PIK3C2G: variants seen among roughly 807,000 people sequenced by gnomAD.
The protein encoded by PIK3C2G is phosphatidylinositol 3-kinase C2 domain-containing subunit gamma.
In PIK3C2G, 168 loss-of-function variants were observed where a neutral mutation model predicts 181.1. The observed-to-expected ratio is 0.93, with a 90% CI of 0.82 to 1.05. The LOEUF (loss-of-function observed/expected upper bound fraction) is 1.05. Ranked by LOEUF, PIK3C2G falls within the 50% of genes least tolerant of loss-of-function variation. The pLI is 0.00. For missense variants in PIK3C2G, 1,869 were observed against 1,732.8 expected (o/e 1.08, Z -1.40); for synonymous variants, 573 against 592.2 (o/e 0.97, Z 0.47).
chr12:18,340,516 A>G (rs1480944546), intron 9 of PIK3C2G, among the ~76,000 whole-genome samples: 2 of 152,128 alleles, frequency 1.3e-5, no homozygotes, highest in Non-Finnish European at 2.9e-5. Context: ...CTAATTGGTG[A>G]TGTTAAGTCA....
At chr12:18,397,244 G>C (rs972440853) in intron 15 of PIK3C2G, among the ~76,000 whole-genome samples, 2 of 151,892 alleles carry the variant, frequency 1.3e-5, no homozygotes, top group Non-Finnish European at 2.9e-5. Flanking sequence ...TCAATGTTAA[G>C]ATAGGCAATG....
chr12:18,506,356 A>T (rs1228977196), intron 24 of PIK3C2G, among the ~76,000 whole-genome samples: 3 of 152,132 alleles, frequency 2.0e-5, no homozygotes, highest in Non-Finnish European at 2.9e-5. Flanking sequence ...TTATTTTTTA[A>T]GTTCAGGAGA....
intron 1 of PIK3C2G, among the ~76,000 whole-genome samples, chr12:18,270,630 T>C (rs1360436443): frequency 6.6e-6 from 1 of 152,186 alleles, no homozygotes; most frequent in Admixed American, 6.5e-5. Flanking sequence ...ATAGTTTTAC[T>C]CTAATTCTAG....
At chr12:18,604,058 T>A (rs988612392) in intron 30 of PIK3C2G, among the ~76,000 whole-genome samples, 1 of 152,088 alleles carries the variant, frequency 6.6e-6, no homozygotes, top group East Asian at 1.9e-4. Flanking sequence ...AATACTAACA[T>A]TGAAGGTAAA....
chr12:18,499,740 C>T (rs1259215304), intron 22 of PIK3C2G, among the ~76,000 whole-genome samples: 5 of 152,190 alleles, frequency 3.3e-5, no homozygotes, highest in African/African-American at 1.2e-4. Flanking sequence ...GTTTCTTATG[C>T]ACCCTTGTCT....
chr12:18,375,049 A>G (rs1055770551), intron 13 of PIK3C2G, among the ~76,000 whole-genome samples: 2 of 152,220 alleles, frequency 1.3e-5, no homozygotes, highest in African/African-American at 2.4e-5. Context: ...GGCCTAACCC[A>G]GAAAGTCGGT....
At chr12:18,671,477 T>C in the PIK3C2G span, among the ~76,000 whole-genome samples, 39 of 152,016 alleles carry the variant, frequency 2.6e-4, no homozygotes, top group Admixed American at 2.6e-3. Flanking sequence ...CTAAAGAAGA[T>C]CACACATGAG....
chr12:18,388,800 A>T (rs2138030140), intron 14 of PIK3C2G, among the ~76,000 whole-genome samples: 1 of 152,346 alleles, frequency 6.6e-6, no homozygotes, highest in African/African-American at 2.4e-5. Context: ...GAGCAGAAGA[A>T]GTGAAGCAAG....
chr12:18,722,101 A>G, the PIK3C2G span, among the ~76,000 whole-genome samples: 1 of 152,018 alleles, frequency 6.6e-6, no homozygotes, highest in Admixed American at 6.6e-5. Context: ...ATTTTGTCAT[A>G]TAACTTGTCC....
At chr12:18,693,642 C>G in the PIK3C2G span, 1 of 1,562,154 alleles carries the variant, frequency 6.4e-7, no homozygotes, top group East Asian at 2.2e-5. Flanking sequence ...GAAATTGACG[C>G]CATTGGGACA....
At chr12:18,673,199 T>C in the PIK3C2G span, among the ~76,000 whole-genome samples, 3 of 152,130 alleles carry the variant, frequency 2.0e-5, no homozygotes, top group South Asian at 4.1e-4. Flanking sequence ...CTGCCCCTCA[T>C]AAAGGGTACA....
chr12:18,281,909 A>G, intron 1 of PIK3C2G, 95 bp from the exon 2 acceptor site: 1 of 557,938 alleles, frequency 1.8e-6, no homozygotes, highest in Non-Finnish European at 3.2e-6. Context: ...AAAAGCCCAC[A>G]AAACAGTTAG....
chr12:18,445,047 A>G (rs1418352542), intron 18 of PIK3C2G, among the ~76,000 whole-genome samples: 2 of 152,112 alleles, frequency 1.3e-5, no homozygotes, highest in African/African-American at 4.8e-5. Flanking sequence ...GGAAAGATCG[A>G]TTATTTAATG....
At chr12:18,301,460 T>C (rs1950172706) in intron 5 of PIK3C2G, among the ~76,000 whole-genome samples, 1 of 152,130 alleles carries the variant, frequency 6.6e-6, no homozygotes, top group Admixed American at 6.5e-5. Flanking sequence ...TATTATGAAG[T>C]TCTGAAATTC....
At chr12:18,654,912 AG>A in the PIK3C2G span, among the ~76,000 whole-genome samples, 1 of 152,210 alleles carries the variant, frequency 6.6e-6, no homozygotes, top group Non-Finnish European at 1.5e-5. Flanking sequence ...GTGAAGGGAA[AG>A]GAAAAAGAAA....
intron 5 of PIK3C2G, among the ~76,000 whole-genome samples, chr12:18,301,175 G>A (rs898896649): frequency 6.6e-6 from 1 of 152,032 alleles, no homozygotes; most frequent in Non-Finnish European, 1.5e-5. Context: ...TGGCTACAAT[G>A]TGCAATGGAA....
At chr12:18,358,377 A>C (rs1940939075) in intron 11 of PIK3C2G, 1 of 160,362 alleles carries the variant, frequency 6.2e-6, no homozygotes, top group Non-Finnish European at 1.4e-5. Context: ...AAGATGTCTA[A>C]TAATTTATGA....
At chr12:18,359,945 G>A (rs563252865) in intron 11 of PIK3C2G, among the ~76,000 whole-genome samples, 1 of 151,934 alleles carries the variant, frequency 6.6e-6, no homozygotes, top group South Asian at 2.1e-4. Flanking sequence ...TTTTGATTGG[G>A]GAATTTAATC....
At chr12:18,533,538 C>A (rs1307771088) in intron 24 of PIK3C2G, among the ~76,000 whole-genome samples, 1 of 152,118 alleles carries the variant, frequency 6.6e-6, no homozygotes, top group Non-Finnish European at 1.5e-5. Context: ...CTTGTCTGAT[C>A]TGCTCATATA....
Sources: gnomAD v4.1 joint callset for allele counts (sites outside exome capture counted in the v4.1 genomes callset) on GRCh38, gnomAD v4.1.1 for gene constraint, MANE v1.5 for transcripts, NCBI Gene and HGNC (gene_info 2026-07-23, HGNC 2026-07-21) for gene names.